MAMDC2: variants seen among roughly 807,000 people sequenced by gnomAD.
MAMDC2 encodes the protein MAM domain containing 2, also known as MAM domain-containing protein 2.
Under a neutral mutation model 89.8 loss-of-function variants are expected in MAMDC2, and 57 were observed. The observed-to-expected ratio is 0.63, with a 90% confidence interval of 0.51 to 0.79. The LOEUF is 0.79. Among genes scored for constraint, MAMDC2 ranks in the 30% least tolerant of loss-of-function variants. MAMDC2 has a pLI of 0.00. For missense variants in MAMDC2, 800 were observed against 820.6 expected, an observed-to-expected ratio of 0.97 and a Z score of 0.31; for synonymous variants, 313 against 293.4, an observed-to-expected ratio of 1.07 and a Z score of -0.68.
At position 70,044,099 on chromosome 9, in the gene MAMDC2, G is replaced by GGC; in HGVS notation, c.-96_-95dup. 6.9e-7 allele frequency: 1 copy of GGC among 1,450,584 alleles called. No homozygotes were observed. Among genetic ancestry groups the GGC allele is most frequent in the Non-Finnish European group, 9.6e-7 (1 of 1,041,826 alleles). 89.9% of individuals were successfully genotyped at this position (1,450,584 alleles called of 1,614,324 possible). A position where few individuals can be genotyped will look rare whatever the true frequency, so the allele number is the denominator to read the frequency against. On this transcript the variant is annotated 5_prime_UTR_variant, in exon 1 of 14. Transcript: ENST00000377182. ...TCGACTTCTCCCTCCTTGGGTCCCC[G>GGC]GCGCCCCCGCCTCCCACGATCCCTT... is the stretch of plus-strand genomic sequence containing the variant.
intron 9 of MAMDC2, chr9:70,153,794 A>C (rs1205914179): frequency 6.6e-6 from 1 of 152,146 alleles, no homozygotes; most frequent in Admixed American, 6.6e-5. Flanking sequence ...GTTTTTAAAA[A>C]TATAAATACA....
At chr9:70,114,091 T>G (rs545868718) in intron 5 of MAMDC2, among the ~76,000 whole-genome samples, 1 of 151,684 alleles carries the variant, frequency 6.6e-6, no homozygotes, top group South Asian at 2.1e-4. Context: ...TGTCTCCAAC[T>G]CTTTTTTTCA....
intron 2 of MAMDC2, among the ~76,000 whole-genome samples, chr9:70,073,749 G>A (rs1827464432): frequency 6.6e-6 from 1 of 152,184 alleles, no homozygotes; most frequent in South Asian, 2.1e-4. Flanking sequence ...TGCTGGGAAG[G>A]AAGGGGTTAG....
intron 2 of MAMDC2, among the ~76,000 whole-genome samples, chr9:70,052,361 C>T (rs140818351): frequency 6.6e-6 from 1 of 152,340 alleles, no homozygotes; most frequent in African/African-American, 2.4e-5. Context: ...ATTCAACATG[C>T]CCTTTACTTA....
chr9:70,091,646 T>A (rs1233976359), intron 2 of MAMDC2, among the ~76,000 whole-genome samples: 2 of 152,226 alleles, frequency 1.3e-5, no homozygotes, highest in African/African-American at 4.8e-5. Flanking sequence ...AGGCAGCAGA[T>A]ACTCTCTGAG....
intron 2 of MAMDC2, among the ~76,000 whole-genome samples, chr9:70,048,595 A>G (rs775120425): frequency 6.6e-5 from 10 of 152,302 alleles, no homozygotes; most frequent in Non-Finnish European, 1.3e-4. Flanking sequence ...CACCGCGCCC[A>G]GCCAGGGTTC....
At chr9:70,128,094 G>T (rs975591919) in intron 6 of MAMDC2, among the ~76,000 whole-genome samples, 2 of 152,148 alleles carry the variant, frequency 1.3e-5, no homozygotes, top group African/African-American at 4.8e-5. Flanking sequence ...GGTGTTATTT[G>T]CTCTCACTCA....
chr9:70,225,567 T>C (rs916024167), intron 12 of MAMDC2, among the ~76,000 whole-genome samples, 183 bp from the exon 13 acceptor site: 1 of 152,176 alleles, frequency 6.6e-6, no homozygotes, highest in Non-Finnish European at 1.5e-5. Flanking sequence ...ATTGTGTTTC[T>C]TTAAATTCCA....
At chr9:70,117,419 A>G (rs1211997517) in intron 5 of MAMDC2, among the ~76,000 whole-genome samples, 1 of 152,192 alleles carries the variant, frequency 6.6e-6, no homozygotes, top group Non-Finnish European at 1.5e-5. Flanking sequence ...GAGCTGAACA[A>G]TGAGAACACA....
At chr9:70,122,299 T>C (rs563400800) in intron 5 of MAMDC2, among the ~76,000 whole-genome samples, 1 of 152,354 alleles carries the variant, frequency 6.6e-6, no homozygotes, top group East Asian at 1.9e-4. Flanking sequence ...GGATCAGAAA[T>C]GTGACTGTGG....
intron 2 of MAMDC2, chr9:70,083,811 T>G (rs1827709449): frequency 1.3e-5 from 2 of 151,960 alleles, no homozygotes; most frequent in Admixed American, 1.3e-4. Flanking sequence ...TACATATTAA[T>G]GTGGGTTCAA....
At chr9:70,136,267 T>C (rs1563970038) in intron 7 of MAMDC2, among the ~76,000 whole-genome samples, 1 of 152,210 alleles carries the variant, frequency 6.6e-6, no homozygotes, top group Non-Finnish European at 1.5e-5. Flanking sequence ...TTTTCAAGAA[T>C]GTCACATAGT....
At chr9:70,100,808 C>T (rs753707881) in intron 2 of MAMDC2, among the ~76,000 whole-genome samples, 54 of 152,166 alleles carry the variant, frequency 3.5e-4, no homozygotes, top group Middle Eastern at 3.2e-3. Context: ...GCACTGAAAA[C>T]GTGCTGCTGG....
chr9:70,113,770 C>T (rs1431938003), intron 5 of MAMDC2: 3 of 152,268 alleles, frequency 2.0e-5, no homozygotes, highest in Non-Finnish European at 4.4e-5. Context: ...CCCTGGTAGG[C>T]TTTGGAAAAG....
chr9:70,186,485 C>A (rs1013219484), intron 11 of MAMDC2, among the ~76,000 whole-genome samples: 1 of 152,160 alleles, frequency 6.6e-6, no homozygotes, highest in East Asian at 1.9e-4. Flanking sequence ...CAACTGAATT[C>A]TGGCTTCCAT....
At chr9:70,216,005 G>A (rs1445930288) in intron 11 of MAMDC2, among the ~76,000 whole-genome samples, 1 of 152,104 alleles carries the variant, frequency 6.6e-6, no homozygotes, top group Non-Finnish European at 1.5e-5. Flanking sequence ...TGGATGTCTC[G>A]ATTGCCATAT....
intron 2 of MAMDC2, among the ~76,000 whole-genome samples, chr9:70,049,986 C>T (rs1303545426): frequency 6.6e-6 from 1 of 152,154 alleles, no homozygotes; most frequent in Non-Finnish European, 1.5e-5. Context: ...GTTCTTTTTC[C>T]TCCAGCATTG....
chr9:70,069,794 G>A (rs567542847), intron 2 of MAMDC2, among the ~76,000 whole-genome samples: 4 of 152,162 alleles, frequency 2.6e-5, no homozygotes, highest in Non-Finnish European at 5.9e-5. Flanking sequence ...AGGAAGAGTT[G>A]GAGAAGAATT....
At chr9:70,090,057 A>G (rs1202217838) in intron 2 of MAMDC2, among the ~76,000 whole-genome samples, 1 of 152,174 alleles carries the variant, frequency 6.6e-6, no homozygotes, top group Non-Finnish European at 1.5e-5. Flanking sequence ...TTCTTAATAC[A>G]TAAAGAATTT....
Sources: allele counts gnomAD v4.1 joint callset (sites outside exome capture counted in the v4.1 genomes callset), GRCh38; gene constraint gnomAD v4.1.1; transcripts MANE v1.5; gene names NCBI Gene and HGNC (gene_info 2026-07-23, HGNC 2026-07-21).